SSH1: variants seen among roughly 807,000 people sequenced by gnomAD.
SSH1 encodes the protein protein phosphatase Slingshot homolog 1.
SSH1 carries 43 observed loss-of-function variants against 79.7 expected under a neutral mutation model. That is an observed-to-expected ratio of 0.54 (90% confidence interval 0.42 to 0.70). The LOEUF (loss-of-function observed/expected upper bound fraction) is 0.70. Ranked by LOEUF, SSH1 falls within the 30% of genes least tolerant of loss-of-function variation. The pLI is 0.00. For missense variants in SSH1, 1,206 were observed against 1,358.8 expected (o/e 0.89, Z 1.77); for synonymous variants, 599 against 538.3 (o/e 1.11, Z -1.56).
chr12:108,830,199 C>T (rs1268629336), intron 2 of SSH1, among the ~76,000 whole-genome samples: 1 of 152,210 alleles, frequency 6.6e-6, no homozygotes, highest in Non-Finnish European at 1.5e-5. Context: ...CGCCTGTAAT[C>T]CTGGCACTTT....
At chr12:108,833,545 G>A (rs898580803) in intron 2 of SSH1, among the ~76,000 whole-genome samples, 4 of 152,108 alleles carry the variant, frequency 2.6e-5, no homozygotes, top group Admixed American at 2.0e-4. Flanking sequence ...TTTGTCAGAG[G>A]CCCCTCCTTT....
chr12:108,813,713 TAAAAA>T (rs781541091), intron 5 of SSH1, among the ~76,000 whole-genome samples: 3 of 15,956 alleles, frequency 1.9e-4, no homozygotes, highest in African/African-American at 3.5e-4. Flanking sequence ...GTCTCCAAAT[TAAAAA>T]AAAAAAAAAA....
At chr12:108,795,185 C>T (rs971155858) in intron 13 of SSH1, among the ~76,000 whole-genome samples, 2 of 152,120 alleles carry the variant, frequency 1.3e-5, no homozygotes, top group South Asian at 2.1e-4. Flanking sequence ...AGACTTGCCT[C>T]GGTCATTTGG....
At chr12:108,833,531 T>C (rs147807753) in intron 2 of SSH1, among the ~76,000 whole-genome samples, 6 of 152,316 alleles carry the variant, frequency 3.9e-5, no homozygotes, top group African/African-American at 1.4e-4. Context: ...CACCGAGTCC[T>C]AACTTTGTCA....
At chr12:108,852,043 A>G (rs982638857) in intron 2 of SSH1, among the ~76,000 whole-genome samples, 2 of 152,128 alleles carry the variant, frequency 1.3e-5, no homozygotes, top group Non-Finnish European at 2.9e-5. Context: ...CCTTGTCTCT[A>G]TTAGAAAATA....
At position 108,788,422 on chromosome 12, in the gene SSH1, C is replaced by T. The variant is rs185581673; in HGVS notation, c.2716G>A (p.Asp906Asn). 2.5e-6 allele frequency: 4 copies of T among 1,596,268 alleles called. No homozygotes were observed. In the East Asian group the frequency reaches 6.7e-5, roughly 27 times the overall value. Residue 906 changes from aspartate (D) to asparagine (N), a missense_variant, in exon 15 of 15, where the codon GAC becomes AAC. Asp to Asn is a conservative substitution (Grantham distance 23). Transcript: ENST00000326495. ...TCTTTTGAGAAACTACTGGTGTGGT[C>T]CAGGCGGTAGAAGAAAGGAGGGGGG... ...KSPPPFFYRL[D>N]HTSSFSKDFL... is the part of the protein sequence containing the mutation.
Position 108,799,155 on chromosome 12 carries a change from A to G in SSH1, c.1194T>C (p.Ser398=), listed in dbSNP as rs1318518336. 1 of 1,613,912 alleles carries G rather than the reference A, an allele frequency of 6.2e-7. No individual in the cohort carries two copies. Among genetic ancestry groups the G allele is most frequent in the East Asian group, 2.2e-5 (1 of 44,870 alleles). ...AGGCTATGACTGTGGAGGCCGAGCG[A>G]CTCACGCCCATTTTGCAATGCACCA... is the stretch of plus-strand genomic sequence containing the variant. ...KCLVHCKMGV[S]RSASTVIAYA... The change falls in exon 13 of 15, where the codon AGT becomes AGC. Residue 398 remains serine, a synonymous_variant. Transcript: ENST00000326495.
intron 2 of SSH1, among the ~76,000 whole-genome samples, chr12:108,848,390 G>A (rs954543624): frequency 2.0e-5 from 3 of 152,106 alleles, no homozygotes; most frequent in African/African-American, 7.2e-5. Context: ...GGGGAGAAAA[G>A]AGAGAGAAAT....
At chr12:108,832,154 G>A (rs2038489529) in intron 2 of SSH1, among the ~76,000 whole-genome samples, 1 of 151,944 alleles carries the variant, frequency 6.6e-6, no homozygotes, top group Admixed American at 6.6e-5. Flanking sequence ...AAAATTAGCT[G>A]GGTGTGGTGG....
intron 9 of SSH1, 41 bp downstream of exon 9, chr12:108,806,260 G>A (rs1266185677): frequency 6.4e-7 from 1 of 1,571,534 alleles, no homozygotes; most frequent in Non-Finnish European, 8.8e-7. Flanking sequence ...CATGGAGGCT[G>A]CATGACCTCT....
chr12:108,797,410 C>T (rs1593021321), intron 13 of SSH1, among the ~76,000 whole-genome samples: 1 of 152,170 alleles, frequency 6.6e-6, no homozygotes, highest in East Asian at 1.9e-4. Flanking sequence ...CACCTTCAAG[C>T]CGAAAAGCCT....
chr12:108,820,852 T>C (rs2038091999), intron 3 of SSH1, among the ~76,000 whole-genome samples: 2 of 152,202 alleles, frequency 1.3e-5, no homozygotes, highest in African/African-American at 4.8e-5. Context: ...AGACCAACTG[T>C]GGACAGCTGG....
chr12:108,819,722 G>A (rs188813975), intron 3 of SSH1, among the ~76,000 whole-genome samples: 1 of 152,222 alleles, frequency 6.6e-6, no homozygotes, highest in Admixed American at 6.5e-5. Context: ...CCAGCTACTT[G>A]GGAGGCCAAG....
intron 2 of SSH1, chr12:108,826,105 A>T: frequency 2.2e-6 from 1 of 453,502 alleles, no homozygotes; most frequent in Non-Finnish European, 4.4e-6. Context: ...CATACTGACC[A>T]GAAACCCAAG....
At chr12:108,849,546 CT>C (rs2038971226) in intron 2 of SSH1, among the ~76,000 whole-genome samples, 1 of 152,032 alleles carries the variant, frequency 6.6e-6, no homozygotes, top group Admixed American at 6.6e-5. Flanking sequence ...AACAAAGACC[CT>C]GTCTCTAAAA....
chr12:108,807,572 G>A lies in SSH1; in HGVS notation c.731+61C>T. ...AGGTTCAGGGTCGGGCACAGGGCAG[G>A]TGGGGGAGAGGCAGGTGCCTGTGGG... On this transcript the variant is annotated intron_variant, in intron 8 of 14. Coordinates refer to ENST00000326495, the MANE Select transcript of SSH1 (RefSeq NM_018984.4). The surrounding 1 kb of genome is among the most constrained non-coding windows in gnomAD (Gnocchi z 5.2). The A allele has an allele frequency of 1.9e-6, 3 of 1,559,540 alleles. No homozygotes were observed. Among genetic ancestry groups the A allele is most frequent in the South Asian group, 2.2e-5 (2 of 89,412 alleles).
intron 11 of SSH1, among the ~76,000 whole-genome samples, chr12:108,801,736 TAAAA>T (rs10710750): frequency 8.4e-4 from 116 of 137,702 alleles, no homozygotes; most frequent in African/African-American, 2.9e-3. Flanking sequence ...TGTGTTGTTT[TAAAA>T]AAAAAAAAAA....
At chr12:108,825,328 C>A (rs566436602) in intron 2 of SSH1, among the ~76,000 whole-genome samples, 1 of 152,168 alleles carries the variant, frequency 6.6e-6, no homozygotes, top group Non-Finnish European at 1.5e-5. Context: ...AGTAGTTAAA[C>A]GTTCGAATTC....
At chr12:108,802,867 A>G (rs981468711) in intron 10 of SSH1, among the ~76,000 whole-genome samples, 9 of 152,354 alleles carry the variant, frequency 5.9e-5, no homozygotes, top group African/African-American at 2.2e-4. Context: ...GGAAATAATC[A>G]GAACTCACAC....
Sources: gnomAD v4.1 joint callset for allele counts (sites outside exome capture counted in the v4.1 genomes callset) on GRCh38, gnomAD v4.1.1 for gene constraint, Gnocchi (gnomAD v3.1) non-coding constraint, MANE v1.5 for transcripts, NCBI Gene and HGNC (gene_info 2026-07-23, HGNC 2026-07-21) for gene names.